MEGF11: variants seen among roughly 807,000 people sequenced by gnomAD.
MEGF11 encodes the protein multiple epidermal growth factor-like domains protein 11.
MEGF11 carries 126 observed loss-of-function variants against 146.6 expected under a neutral mutation model. The ratio of observed to expected loss-of-function variants is 0.86; its 90% CI spans 0.74 to 1.00. The LOEUF (loss-of-function observed/expected upper bound fraction) is 1.00. MEGF11 is among the 50% of genes least tolerant of loss of function. The pLI is 0.00. For synonymous variants in MEGF11, 532 were observed against 583.4 expected (o/e 0.91, Z 1.27); for missense variants, 1,509 against 1,521.2 (o/e 0.99, Z 0.13).
At chr15:66,009,181 G>A (rs189089850) in intron 5 of MEGF11, among the ~76,000 whole-genome samples, 183 of 151,920 alleles carry the variant, frequency 1.2e-3, no homozygotes, top group Middle Eastern at 6.8e-3. Context: ...CAACTAGCTG[G>A]AACGATCTTC....
chr15:66,112,972 T>C (rs566067466), intron 4 of MEGF11, among the ~76,000 whole-genome samples: 10 of 152,120 alleles, frequency 6.6e-5, no homozygotes, highest in Non-Finnish European at 1.5e-4. Flanking sequence ...GCAAAGGAAT[T>C]AGGAAACATA....
chr15:66,203,319 A>G (rs2091217269), intron 1 of MEGF11, among the ~76,000 whole-genome samples: 2 of 152,224 alleles, frequency 1.3e-5, no homozygotes, highest in Admixed American at 1.3e-4. Flanking sequence ...AATTCTTTGC[A>G]GTGGAAGGGA....
chr15:66,051,924 T>C (rs982486769), intron 5 of MEGF11, among the ~76,000 whole-genome samples: 1 of 152,196 alleles, frequency 6.6e-6, no homozygotes, highest in East Asian at 1.9e-4. Context: ...AGTGTAGACA[T>C]GTTTGCTGTT....
chr15:66,226,688 C>T (rs555556257), intron 1 of MEGF11, among the ~76,000 whole-genome samples: 7 of 152,162 alleles, frequency 4.6e-5, no homozygotes, highest in South Asian at 2.1e-4. Context: ...TAGGTATGTA[C>T]GTACAGGAAA....
chr15:66,035,043 T>TA (rs929175794), intron 5 of MEGF11, among the ~76,000 whole-genome samples: 27 of 151,444 alleles, frequency 1.8e-4, no homozygotes, highest in Admixed American at 2.6e-4. Context: ...AACCATGAGC[T>TA]AAAAAAAAAT....
chr15:66,183,971 A>G (rs2090624888), intron 1 of MEGF11, among the ~76,000 whole-genome samples: 1 of 152,210 alleles, frequency 6.6e-6, no homozygotes, highest in Non-Finnish European at 1.5e-5. Context: ...GACAGGCAAA[A>G]AAAGAGTACA....
At chr15:65,935,121 C>A (rs1451980883) in intron 10 of MEGF11, among the ~76,000 whole-genome samples, 1 of 151,764 alleles carries the variant, frequency 6.6e-6, no homozygotes, top group Non-Finnish European at 1.5e-5. Context: ...GAGATTGAGA[C>A]CATCCTGGCC....
intron 24 of MEGF11, among the ~76,000 whole-genome samples, chr15:65,899,780 G>GT (rs1015062470): frequency 1.3e-5 from 2 of 152,170 alleles, no homozygotes; most frequent in Non-Finnish European, 1.5e-5. Flanking sequence ...AATGCTAACT[G>GT]AAACCTATTT....
chr15:66,170,725 T>C (rs2090227553), intron 1 of MEGF11, among the ~76,000 whole-genome samples: 1 of 152,136 alleles, frequency 6.6e-6, no homozygotes, highest in Non-Finnish European at 1.5e-5. Context: ...TGATGCCCCT[T>C]CCCCCATTTG....
chr15:65,957,729 G>A lies in MEGF11; in HGVS notation c.1113-8C>T. 6.2e-7 allele frequency: 1 copy of A among 1,613,424 alleles called. No homozygotes were observed. The highest frequency in any genetic ancestry group is 8.5e-7 in the Non-Finnish European group (1 of 1,179,774). On this transcript the variant is annotated splice_region_variant and splice_polypyrimidine_tract_variant and intron_variant, in intron 9 of 25. Transcript: ENST00000395614. ...CCAGTTACTGGGTGGCAGCTGCACA[G>A]ATGAGAGAAGGGTGAGAAGACAGCT...
intron 5 of MEGF11, among the ~76,000 whole-genome samples, chr15:66,077,803 G>A (rs925290320): frequency 3.3e-5 from 5 of 151,728 alleles, no homozygotes; most frequent in African/African-American, 1.2e-4. Context: ...TTCACAGCAG[G>A]GGGGCATCTG....
intron 1 of MEGF11, among the ~76,000 whole-genome samples, chr15:66,179,097 T>TCACAGCCC (rs2090471142): frequency 6.6e-6 from 1 of 151,998 alleles, no homozygotes; most frequent in Non-Finnish European, 1.5e-5. Flanking sequence ...CCGGGAAGCA[T>TCACAGCCC]CACAGCCCCA....
chr15:66,049,571 A>G (rs147609545), intron 5 of MEGF11, among the ~76,000 whole-genome samples: 1 of 152,298 alleles, frequency 6.6e-6, no homozygotes, highest in African/African-American at 2.4e-5. Context: ...TGCCATTTGC[A>G]TACTTTACAG....
rs2091278220 is a variant in MEGF11, at chr15:66,205,501, A to T, written c.-9+48104T>A. Among the ~76,000 whole-genome samples the T allele has an allele frequency of 2.6e-5, 4 of 152,328 alleles. No individual in the cohort carries two copies. The South Asian group carries it at 6.2e-4, about 24-fold the overall frequency. ...AGCCAAACACCAACTGTGGGCCCAC[A>T]AGCAAAGGCCAAGAGGGAAGCCCAG... On this transcript the variant is annotated intron_variant, in intron 1 of 25. Coordinates refer to ENST00000395614, the MANE Select transcript of MEGF11 (RefSeq NM_001385028.1).
At chr15:66,047,668 C>G (rs111887211) in intron 5 of MEGF11, among the ~76,000 whole-genome samples, 2,764 of 152,344 alleles carry the variant, frequency 0.018, 39 homozygotes, top group African/African-American at 0.037. Flanking sequence ...TCCATCCAAA[C>G]CACCAGTGAA....
At chr15:66,150,350 C>G (rs529179344) in intron 1 of MEGF11, among the ~76,000 whole-genome samples, 1 of 152,346 alleles carries the variant, frequency 6.6e-6, no homozygotes, top group Non-Finnish European at 1.5e-5. Context: ...AGGAATTATG[C>G]TGTCTTTGAT....
At chr15:65,946,963 A>G (rs927021129) in intron 10 of MEGF11, among the ~76,000 whole-genome samples, 1 of 152,148 alleles carries the variant, frequency 6.6e-6, no homozygotes, top group African/African-American at 2.4e-5. Flanking sequence ...TCAGGGAATT[A>G]TATCTCCCTC....
At chr15:66,066,385 G>A (rs1314141079) in intron 5 of MEGF11, among the ~76,000 whole-genome samples, 1 of 152,164 alleles carries the variant, frequency 6.6e-6, no homozygotes, top group East Asian at 1.9e-4. Context: ...CTAAGGCAGT[G>A]TTTCTCTAGA....
chr15:66,086,834 T>C (rs142245549), intron 5 of MEGF11, among the ~76,000 whole-genome samples: 80 of 152,298 alleles, frequency 5.3e-4, no homozygotes, highest in African/African-American at 1.8e-3. Flanking sequence ...CACATTTCAA[T>C]ACTAACATTG....
Sources: allele counts gnomAD v4.1 joint callset (sites outside exome capture counted in the v4.1 genomes callset), GRCh38; gene constraint gnomAD v4.1.1; transcripts MANE v1.5; gene names NCBI Gene and HGNC (gene_info 2026-07-23, HGNC 2026-07-21).